CNIH1: variants seen among roughly 807,000 people sequenced by gnomAD.
CNIH1 encodes the protein cornichon family member 1.
A neutral mutation model predicts 20.2 loss-of-function variants in CNIH1; 12 were observed. The observed-to-expected ratio is 0.59, with a 90% CI of 0.38 to 0.96. The LOEUF (loss-of-function observed/expected upper bound fraction) is 0.96, where lower values mean the gene tolerates loss of function less well. CNIH1 is among the 40% of genes least tolerant of loss of function. CNIH1 has a pLI of 0.00. For missense variants in CNIH1, 152 were observed against 178.8 expected (o/e 0.85, Z 0.85); for synonymous variants, 69 against 63.3 (o/e 1.09, Z -0.43).
At chr14:54,440,881 G>C (rs111561800) in intron 1 of CNIH1, among the ~76,000 whole-genome samples, 98 of 152,300 alleles carry the variant, frequency 6.4e-4, no homozygotes, top group African/African-American at 2.2e-3. Flanking sequence ...TCACACTACG[G>C]CCGTCCCACC....
At chr14:54,429,862 C>T (rs145199440) in intron 4 of CNIH1, among the ~76,000 whole-genome samples, 8 of 152,290 alleles carry the variant, frequency 5.3e-5, no homozygotes, top group African/African-American at 1.9e-4. Flanking sequence ...GGGCAGAGCA[C>T]ACCACTTATG....
intron 2 of CNIH1, among the ~76,000 whole-genome samples, chr14:54,433,243 T>C (rs2140002936): frequency 6.6e-6 from 1 of 152,326 alleles, no homozygotes; most frequent in East Asian, 1.9e-4. Flanking sequence ...ATGGAAATCA[T>C]ATGAATACTT....
In CNIH1 at chr14:54,426,127, G is replaced by A. The variant is rs570173904; in HGVS notation, c.*1687C>T. The A allele has an allele frequency of 6.6e-6, 1 of 152,180 alleles. No homozygotes were observed. The highest frequency in any genetic ancestry group is 1.5e-5 in the Non-Finnish European group (1 of 68,024). 9.4% of individuals were successfully genotyped at this position (152,180 alleles called of 1,614,324 possible). A position where few individuals can be genotyped will look rare whatever the true frequency, so the allele number is the denominator to read the frequency against. On this transcript the variant is annotated 3_prime_UTR_variant, in exon 5 of 5. Transcript: ENST00000216416. Reference sequence around the variant, plus strand: ...CCAGCAAGTACTCAATAAATAATTTGTTACATGAACTGACCAAGAGTCAGA... The same window carrying A: ...CCAGCAAGTACTCAATAAATAATTTATTACATGAACTGACCAAGAGTCAGA...
chr14:54,436,436 A>C lies in CNIH1; in HGVS notation c.83T>G (p.Ile28Ser). 6.4e-7 allele frequency: 1 copy of C among 1,552,166 alleles called. No individual in the cohort carries two copies. Among genetic ancestry groups the C allele is most frequent in the East Asian group, 2.2e-5 (1 of 44,480 alleles). ...AGTCTTCAGCTCATCAAATGCTATA[A>C]TCTAAAATAAAATTAAAACAGTTAG... is the stretch of plus-strand genomic sequence containing the variant. The part of the protein sequence containing the change: ...AALIFFAIWH[I>S]IAFDELKTDY... Residue 28 changes from isoleucine (I) to serine (S), a missense_variant and splice_region_variant, in exon 2 of 5, where the codon ATT becomes AGT. Around this residue, in one of 3 missense-constraint regions of CNIH1, gnomAD observed 97 missense variants for 100.6 expected, o/e 0.96. Transcript: ENST00000216416.
chr14:54,430,969 C>T (rs953801930), intron 3 of CNIH1, among the ~76,000 whole-genome samples: 12 of 151,962 alleles, frequency 7.9e-5, no homozygotes, highest in Middle Eastern at 6.8e-3. Flanking sequence ...GTAGCGGGGA[C>T]TACAGGCACA....
At chr14:54,436,751 A>G in intron 1 of CNIH1, 1 of 476,610 alleles carries the variant, frequency 2.1e-6, no homozygotes, top group Non-Finnish European at 4.0e-6. Flanking sequence ...GAGTAGAAAA[A>G]TAATTTCAAC....
At chr14:54,437,907 A>G (rs1232022979) in intron 1 of CNIH1, among the ~76,000 whole-genome samples, 1 of 152,150 alleles carries the variant, frequency 6.6e-6, no homozygotes, top group Non-Finnish European at 1.5e-5. Flanking sequence ...ACAAGATCCA[A>G]CTTAACAGAA....
At chr14:54,441,140 C>G in intron 1 of CNIH1, 107 bp downstream of exon 1, 1 of 1,187,864 alleles carries the variant, frequency 8.4e-7, no homozygotes, top group Non-Finnish European at 1.1e-6. Flanking sequence ...GGGCCGCATC[C>G]CCGACGCGCA....
In CNIH1 at chr14:54,430,320, CT is replaced by C. The variant is rs1240014679; in HGVS notation, c.347del (p.Gln116ArgfsTer8). ...AAGCTAATTTGCACCATCCTTCCTTCTGACAATATGCTAGAATATCTGCATT... is the reference window on the plus strand; with the variant it reads ...AAGCTAATTTGCACCATCCTTCCTTCGACAATATGCTAGAATATCTGCATT... ...IMNADILAYC[Q>X]KEGWCKLAFY... On this transcript the variant is annotated frameshift_variant, in exon 4 of 5. Transcript: ENST00000216416. LOFTEE classifies it high-confidence loss of function. 1 of 1,614,150 alleles carries C rather than the reference CT, an allele frequency of 6.2e-7. No individual in the cohort carries two copies. Among genetic ancestry groups the C allele is most frequent in the South Asian group, 1.1e-5 (1 of 91,080 alleles).
chr14:54,432,060 A>G (rs558252418), intron 3 of CNIH1, 48 bp downstream of exon 3: 31 of 976,342 alleles, frequency 3.2e-5, no homozygotes, highest in Middle Eastern at 6.8e-4. Flanking sequence ...ACCACAGTAT[A>G]TTTAAGTTTT....
At position 54,423,612 on chromosome 14, in the gene CNIH1, G is replaced by A. The variant is rs2030771091; in HGVS notation, c.*4202C>T. ...ACAAAAGCAAAATAAGCTCTAAGGA[G>A]TAAGGTAGGGCTACTTAAGGGCGTT... is the stretch of plus-strand genomic sequence containing the variant. On this transcript the variant is annotated 3_prime_UTR_variant, in exon 5 of 5. Transcript: ENST00000216416. The A allele has an allele frequency of 6.6e-6, 1 of 152,208 alleles. No individual in the cohort carries two copies. The highest frequency in any genetic ancestry group is 1.5e-5 in the Non-Finnish European group (1 of 68,036). 9.4% of individuals were successfully genotyped at this position (152,208 alleles called of 1,614,324 possible).
At chr14:54,440,054 G>A (rs2031138366) in intron 1 of CNIH1, among the ~76,000 whole-genome samples, 1 of 152,184 alleles carries the variant, frequency 6.6e-6, no homozygotes, top group Non-Finnish European at 1.5e-5. Flanking sequence ...AAGCAGTCAG[G>A]TCCTAAAATA....
intron 4 of CNIH1, among the ~76,000 whole-genome samples, chr14:54,428,446 T>C (rs1193798214): frequency 6.6e-6 from 1 of 152,234 alleles, no homozygotes; most frequent in Non-Finnish European, 1.5e-5. Context: ...CAGAGTGCTA[T>C]GGGAACGGCA....
In CNIH1 at chr14:54,437,777, T is replaced by C. The variant is rs1221594354; in HGVS notation, c.82-1340A>G. Reference sequence around the variant, plus strand: ...TACATGTGTAATTAGAAAATACTAATTTCTGATTACTTATGGACGTTATTA... The same window carrying C: ...TACATGTGTAATTAGAAAATACTAACTTCTGATTACTTATGGACGTTATTA... On this transcript the variant is annotated intron_variant, in intron 1 of 4. Transcript: ENST00000216416. 4.6e-5 allele frequency among the ~76,000 whole-genome samples: 7 copies of C among 152,292 alleles called. No homozygotes were observed. In the East Asian group the frequency reaches 9.6e-4, roughly 21 times the overall value.
chr14:54,439,522 AT>A (rs2031125376), intron 1 of CNIH1, among the ~76,000 whole-genome samples: 1 of 151,792 alleles, frequency 6.6e-6, no homozygotes, highest in Admixed American at 6.6e-5. Flanking sequence ...ACATCTACAG[AT>A]GGAATGGAAC....
rs1307264301 is a variant in CNIH1 at position 54,427,491 on chromosome 14, A to C, written c.*323T>G. The C allele has an allele frequency of 1.4e-5, 4 of 294,540 alleles. No individual in the cohort carries two copies. Among genetic ancestry groups the C allele is most frequent in the Non-Finnish European group, 2.5e-5 (4 of 159,194 alleles). 18.2% of individuals were successfully genotyped at this position (294,540 alleles called of 1,614,324 possible). On this transcript the variant is annotated 3_prime_UTR_variant, in exon 5 of 5. Coordinates refer to ENST00000216416, the MANE Select transcript of CNIH1 (RefSeq NM_005776.3). ...TATAAACAAAAGCTTCCAATGTACT[A>C]GGACAGTCAGTAATTAATGCATCAT...
Position 54,436,444 on chromosome 14 carries a change from T to TA in CNIH1, c.82-8dup. 6.6e-7 allele frequency: 1 copy of TA among 1,519,152 alleles called. No individual in the cohort carries two copies. Among genetic ancestry groups the TA allele is most frequent in the Non-Finnish European group, 9.1e-7 (1 of 1,096,260 alleles). 94.1% of individuals were successfully genotyped at this position (1,519,152 alleles called of 1,614,324 possible). Reference sequence around the variant, plus strand: ...GCTCATCAAATGCTATAATCTAAAATAAAATTAAAACAGTTAGGACCACTC... The same window carrying TA: ...GCTCATCAAATGCTATAATCTAAAATAAAAATTAAAACAGTTAGGACCACTC... On this transcript the variant is annotated splice_polypyrimidine_tract_variant and splice_region_variant and intron_variant, in intron 1 of 4. Coordinates refer to ENST00000216416, the MANE Select transcript of CNIH1 (RefSeq NM_005776.3).
At chr14:54,436,954 C>T (rs2031067334) in intron 1 of CNIH1, among the ~76,000 whole-genome samples, 1 of 152,174 alleles carries the variant, frequency 6.6e-6, no homozygotes, top group Admixed American at 6.5e-5. Context: ...CTGTCTGCCC[C>T]TCTACACTCT....
At chr14:54,431,133 A>AT (rs113513067) in intron 3 of CNIH1, among the ~76,000 whole-genome samples, 113 of 142,882 alleles carry the variant, frequency 7.9e-4, no homozygotes, top group East Asian at 1.2e-3. Flanking sequence ...CCCTGAGTAA[A>AT]TTTTTTTTTT....
Sources: gnomAD v4.1 joint callset for allele counts (sites outside exome capture counted in the v4.1 genomes callset) on GRCh38, gnomAD v4.1.1 for gene constraint, gnomAD v4.1.1 regional missense constraint, MANE v1.5 for transcripts, NCBI Gene and HGNC (gene_info 2026-07-23, HGNC 2026-07-21) for gene names.